Variants in ARFGEF1 observed in about 807,000 individuals in gnomAD.
ARFGEF1 encodes the protein ARF guanine nucleotide exchange factor 1.
Under a neutral mutation model 231.0 loss-of-function variants are expected in ARFGEF1, and 42 were observed. The ratio of observed to expected loss-of-function variants is 0.18; its 90% CI spans 0.14 to 0.24. ARFGEF1 has a LOEUF of 0.24. Among genes scored for constraint, ARFGEF1 ranks in the 10% least tolerant of loss-of-function variants. The probability of loss-of-function intolerance (pLI) is 1.00; values close to 1 mark genes in which losing one functional copy is unlikely to be tolerated. For missense variants in ARFGEF1, 1,345 were observed against 2,192.0 expected (o/e 0.61, Z 7.72); for synonymous variants, 710 against 732.3 (o/e 0.97, Z 0.49).
At chr8:67,210,041 G>C (rs1271286601) in intron 34 of ARFGEF1, among the ~76,000 whole-genome samples, 2 of 151,492 alleles carry the variant, frequency 1.3e-5, no homozygotes, top group Non-Finnish European at 2.9e-5. Context: ...TGTAGTCCCA[G>C]CTACTCGGGA....
intron 17 of ARFGEF1, among the ~76,000 whole-genome samples, chr8:67,255,833 C>T (rs1290686885): frequency 6.6e-6 from 1 of 152,196 alleles, no homozygotes; most frequent in East Asian, 1.9e-4. Context: ...CACTGTTATG[C>T]TAAAGACGGG....
intron 1 of ARFGEF1, among the ~76,000 whole-genome samples, chr8:67,341,508 G>A (rs1211278303): frequency 6.6e-6 from 1 of 151,884 alleles, no homozygotes; most frequent in East Asian, 1.9e-4. Flanking sequence ...GAGGCAGGAG[G>A]AATGCCTGAT....
At chr8:67,318,337 G>C (rs981785768) in intron 1 of ARFGEF1, among the ~76,000 whole-genome samples, 1 of 151,220 alleles carries the variant, frequency 6.6e-6, no homozygotes, top group African/African-American at 2.4e-5. Context: ...ATCCATTCAT[G>C]ATTTTAAAAA....
rs532242266 is a variant in ARFGEF1 at position 67,183,087 on chromosome 8, T to C, written c.561-7515A>G. Among the ~76,000 whole-genome samples, 6 of 152,358 alleles carry C rather than the reference T, an allele frequency of 3.9e-5. No individual in the cohort carries two copies. In the East Asian group the frequency reaches 1.2e-3, roughly 29 times the overall value. On this transcript the variant is annotated intron_variant, in intron 5 of 5. Transcript: ENST00000518789. ...GAAGCTTTCCTCATATGCTTGCTTCTAAGAGTTTTATCTATAGGTTTAGCT... is the reference window on the plus strand; with the variant it reads ...GAAGCTTTCCTCATATGCTTGCTTCCAAGAGTTTTATCTATAGGTTTAGCT...
At chr8:67,290,396 T>C (rs1030777266) in intron 6 of ARFGEF1, among the ~76,000 whole-genome samples, 6 of 152,190 alleles carry the variant, frequency 3.9e-5, no homozygotes, top group African/African-American at 1.4e-4. Flanking sequence ...TTCCTACCCC[T>C]ATCTATCAAG....
intron 19 of ARFGEF1, among the ~76,000 whole-genome samples, chr8:67,245,844 T>A (rs1840088991): frequency 6.6e-6 from 1 of 150,440 alleles, no homozygotes; most frequent in Non-Finnish European, 1.5e-5. Flanking sequence ...ATCTGTTGTG[T>A]ACATGAGACA....
chr8:67,240,364 A>C, intron 19 of ARFGEF1, 74 bp from the exon 20 acceptor site: 1 of 1,331,740 alleles, frequency 7.5e-7, no homozygotes, highest in Non-Finnish European at 1.0e-6. Flanking sequence ...CTTTTAGACA[A>C]TACAAGTTCT....
chr8:67,271,615 G>A, intron 10 of ARFGEF1, 87 bp downstream of exon 10: 3 of 942,900 alleles, frequency 3.2e-6, no homozygotes, highest in Non-Finnish European at 4.8e-6. Context: ...TTTCATTCTG[G>A]AGAACTTTGC....
chr8:67,320,178 C>T (rs946905258), intron 1 of ARFGEF1, among the ~76,000 whole-genome samples: 2 of 137,004 alleles, frequency 1.5e-5, no homozygotes, highest in Admixed American at 8.0e-5. Flanking sequence ...GAGCCGAGAT[C>T]GCACCACTGC....
chr8:67,176,832 G>C (rs927055058), intron 5 of ARFGEF1, among the ~76,000 whole-genome samples: 1 of 152,088 alleles, frequency 6.6e-6, no homozygotes, highest in Non-Finnish European at 1.5e-5. Context: ...AGCGCTTTGG[G>C]AGGCTGAAGT....
intron 1 of ARFGEF1, among the ~76,000 whole-genome samples, chr8:67,335,182 T>A (rs1179021671): frequency 6.7e-6 from 1 of 148,630 alleles, no homozygotes; most frequent in Admixed American, 6.8e-5. Context: ...CTCGGCTCAC[T>A]GCAAGCTCCG....
At chr8:67,287,008 A>T (rs143474033) in intron 7 of ARFGEF1, among the ~76,000 whole-genome samples, 8 of 152,300 alleles carry the variant, frequency 5.3e-5, no homozygotes, top group Non-Finnish European at 1.2e-4. Context: ...CCACCTATCC[A>T]TTTAGGCTCA....
intron 28 of ARFGEF1, among the ~76,000 whole-genome samples, chr8:67,225,400 TTGACGTATCTAAAAAGTACCAAGCACC>T (rs1462077542): frequency 3.3e-5 from 5 of 152,260 alleles, no homozygotes; most frequent in Admixed American, 1.3e-4. Context: ...GTGAAATGAG[TTGACGTATCTAAAAAGTACCAAGCACC>T]TGATCGGTCC....
At chr8:67,239,815 T>C (rs539244083) in intron 20 of ARFGEF1, among the ~76,000 whole-genome samples, 3 of 152,286 alleles carry the variant, frequency 2.0e-5, no homozygotes, top group South Asian at 4.1e-4. Context: ...ATAAAATATA[T>C]ACAACCTTGT....
At chr8:67,313,321 G>A (rs1807156009) in intron 1 of ARFGEF1, among the ~76,000 whole-genome samples, 2 of 152,148 alleles carry the variant, frequency 1.3e-5, no homozygotes, top group Admixed American at 6.5e-5. Context: ...TCCACTGCTG[G>A]TAAACTAGTG....
intron 9 of ARFGEF1, among the ~76,000 whole-genome samples, chr8:67,275,480 G>C (rs548373842): frequency 6.6e-6 from 1 of 151,978 alleles, no homozygotes; most frequent in Non-Finnish European, 1.5e-5. Context: ...TAATGAATAT[G>C]CATTATCTTT....
chr8:67,276,325 T>A (rs1805312039), intron 8 of ARFGEF1, among the ~76,000 whole-genome samples: 1 of 152,090 alleles, frequency 6.6e-6, no homozygotes, highest in South Asian at 2.1e-4. Context: ...TTTAAAAATA[T>A]TCCTTATTAA....
At chr8:67,223,742 A>G (rs1401204103) in intron 29 of ARFGEF1, among the ~76,000 whole-genome samples, 1 of 152,082 alleles carries the variant, frequency 6.6e-6, no homozygotes, top group Non-Finnish European at 1.5e-5. Context: ...ACTTCTACAA[A>G]TAAATAAAGG....
intron 14 of ARFGEF1, among the ~76,000 whole-genome samples, chr8:67,263,143 T>A (rs1804705361): frequency 6.6e-6 from 1 of 152,226 alleles, no homozygotes; most frequent in African/African-American, 2.4e-5. Flanking sequence ...AATCTATTTT[T>A]AGAGTCTATT....
Sources: gnomAD v4.1 joint callset for allele counts (sites outside exome capture counted in the v4.1 genomes callset) on GRCh38, gnomAD v4.1.1 for gene constraint, MANE v1.5 for transcripts, NCBI Gene and HGNC (gene_info 2026-07-23, HGNC 2026-07-21) for gene names.